Variants in DLGAP1 observed in about 807,000 individuals in gnomAD.
The protein encoded by DLGAP1 is disks large-associated protein 1.
Under a neutral mutation model 90.8 loss-of-function variants are expected in DLGAP1, and 11 were observed. That is an observed-to-expected ratio of 0.12 (90% CI 0.08 to 0.20). The LOEUF is 0.20. Among genes scored for constraint, DLGAP1 ranks in the 10% least tolerant of loss-of-function variants. DLGAP1 has a pLI of 1.00. For missense variants in DLGAP1, 1,050 were observed against 1,333.8 expected (o/e 0.79, Z 3.31); for synonymous variants, 558 against 540.7 (o/e 1.03, Z -0.44).
intron 5 of DLGAP1, among the ~76,000 whole-genome samples, chr18:3,805,655 G>T (rs972388879): frequency 1.3e-4 from 20 of 152,218 alleles, no homozygotes; most frequent in African/African-American, 4.8e-4. Context: ...TGCTGAGCTT[G>T]AAAATACAGG....
chr18:3,965,546 T>C (rs2073307383), intron 3 of DLGAP1, among the ~76,000 whole-genome samples: 1 of 152,186 alleles, frequency 6.6e-6, no homozygotes, highest in Non-Finnish European at 1.5e-5. Context: ...ACATAATACC[T>C]AAAGAGGCAT....
intron 1 of DLGAP1, among the ~76,000 whole-genome samples, chr18:4,189,939 T>C (rs930197778): frequency 6.6e-6 from 1 of 152,066 alleles, no homozygotes; most frequent in African/African-American, 2.4e-5. Context: ...CCATACATTG[T>C]TGATGGGAAT....
chr18:3,816,526 T>C (rs767081329), intron 4 of DLGAP1, among the ~76,000 whole-genome samples: 2 of 152,222 alleles, frequency 1.3e-5, no homozygotes, highest in African/African-American at 2.4e-5. Flanking sequence ...GTTTGTAGGT[T>C]CTAATTCTGA....
chr18:3,700,024 G>C (rs80130472), intron 7 of DLGAP1, among the ~76,000 whole-genome samples: 40 of 152,222 alleles, frequency 2.6e-4, no homozygotes, highest in Non-Finnish European at 1.0e-4. Context: ...TTCTGGCAAT[G>C]AGAATTTCAA....
rs1368714178 is a variant in DLGAP1, at chr18:3,600,740, A to C, written c.1592-18492T>G. Among the ~76,000 whole-genome samples the C allele has an allele frequency of 3.2e-3, 147 of 45,990 alleles. 2 individuals are homozygous for C. The highest frequency in any genetic ancestry group is 0.014 in the Middle Eastern group (1 of 70). 30.2% of individuals were successfully genotyped at this position (45,990 alleles called of 152,430 possible). On this transcript the variant is annotated intron_variant, in intron 7 of 12. Transcript: ENST00000315677. ...GATATAGAGATATAGATATATATAG[A>C]TATATAGATATATATAGATATATAG...
At chr18:4,099,309 ATC>A in intron 2 of DLGAP1, among the ~76,000 whole-genome samples, 1 of 105,520 alleles carries the variant, frequency 9.5e-6, no homozygotes, top group Non-Finnish European at 2.0e-5. Flanking sequence ...CTATCTATCT[ATC>A]TATCTATCTA....
intron 4 of DLGAP1, among the ~76,000 whole-genome samples, chr18:3,857,374 T>C (rs2069715430): frequency 6.6e-6 from 1 of 152,234 alleles, no homozygotes; most frequent in Admixed American, 6.5e-5. Flanking sequence ...CTAGCCATGG[T>C]GTATTTACAT....
intron 2 of DLGAP1, among the ~76,000 whole-genome samples, chr18:4,101,114 C>G (rs2075772308): frequency 6.6e-6 from 1 of 152,186 alleles, no homozygotes; most frequent in Admixed American, 6.5e-5. Context: ...TGCAAGAGGC[C>G]TAGCTTTTGG....
intron 3 of DLGAP1, among the ~76,000 whole-genome samples, chr18:3,888,178 A>G (rs1229977835): frequency 6.6e-6 from 1 of 151,220 alleles, no homozygotes; most frequent in East Asian, 1.9e-4. Flanking sequence ...GTGAGTTAAC[A>G]TTGTCCAAAT....
chr18:3,970,545 C>T lies in DLGAP1; in HGVS notation c.-73+34571G>A, dbSNP rs79068890. On this transcript the variant is annotated intron_variant, in intron 3 of 12. Transcript: ENST00000315677. ...AAATATATAATAGAAATGTGTGGGACATGAGAGAGAAATGTTGGCCTCATC... is the reference window on the plus strand; with the variant it reads ...AAATATATAATAGAAATGTGTGGGATATGAGAGAGAAATGTTGGCCTCATC... 8.5e-3 allele frequency among the ~76,000 whole-genome samples: 1,298 copies of T among 152,198 alleles called. 17 individuals carry two copies. Among genetic ancestry groups the T allele is most frequent in the African/African-American group, 0.03 (1,238 of 41,538 alleles).
At chr18:3,502,956 T>C (rs1368898928) in intron 11 of DLGAP1, among the ~76,000 whole-genome samples, 1 of 151,994 alleles carries the variant, frequency 6.6e-6, no homozygotes, top group Non-Finnish European at 1.5e-5. Context: ...GGACGTATTT[T>C]AAAACACCAT....
intron 1 of DLGAP1, among the ~76,000 whole-genome samples, chr18:4,213,978 A>G (rs1303047306): frequency 6.6e-6 from 1 of 152,138 alleles, no homozygotes; most frequent in Non-Finnish European, 1.5e-5. Flanking sequence ...GTCTCCTGAG[A>G]CTGTGGCCCG....
chr18:3,688,469 T>G (rs1284047571), intron 7 of DLGAP1, among the ~76,000 whole-genome samples: 2 of 151,790 alleles, frequency 1.3e-5, no homozygotes, highest in Non-Finnish European at 2.9e-5. Flanking sequence ...TGCTGAAAAA[T>G]TATTAAAAAA....
intron 5 of DLGAP1, among the ~76,000 whole-genome samples, chr18:3,807,659 G>A (rs2066629679): frequency 1.7e-5 from 1 of 59,796 alleles, no homozygotes; most frequent in Admixed American, 1.3e-4. Context: ...GTAAACGTGT[G>A]CTCTGGTGGT....
intron 6 of DLGAP1, among the ~76,000 whole-genome samples, chr18:3,741,219 A>ACCACCACCAC (rs2062993110): frequency 1.2e-5 from 1 of 85,658 alleles, no homozygotes; most frequent in Non-Finnish European, 2.3e-5. Flanking sequence ...CACCACCACC[A>ACCACCACCAC]CATCACCATC....
chr18:3,541,197 C>T (rs760813720), intron 9 of DLGAP1, among the ~76,000 whole-genome samples: 2 of 151,572 alleles, frequency 1.3e-5, no homozygotes, highest in Admixed American at 1.3e-4. Context: ...TCTTTCTGCA[C>T]ACTAAGTTAT....
chr18:4,311,586 T>A (rs1396618247), intron 1 of DLGAP1, among the ~76,000 whole-genome samples: 2 of 152,198 alleles, frequency 1.3e-5, no homozygotes, highest in East Asian at 1.9e-4. Flanking sequence ...TTGATTCCAA[T>A]GCTAGAAATT....
Position 3,729,344 on chromosome 18 carries a change from TCGAACTGCC to T in DLGAP1, c.1373_1381del (p.Gly458_Phe460del). On this transcript the variant is annotated inframe_deletion, in exon 7 of 13. Coordinates refer to ENST00000315677, the MANE Select transcript of DLGAP1 (RefSeq NM_004746.4). The surrounding 1 kb of genome is among the most constrained non-coding windows in gnomAD (Gnocchi z 6.2). ...GCTGAACACGGACTCGCACACGGAC[TCGAACTGCC>T]CGTTCACTTCCATCTCGCTCACCTG... The T allele has an allele frequency of 6.2e-7, 1 of 1,613,822 alleles. No homozygotes were observed. Among genetic ancestry groups the T allele is most frequent in the Non-Finnish European group, 8.5e-7 (1 of 1,179,770 alleles).
chr18:3,865,535 G>A (rs1240307610), intron 4 of DLGAP1, among the ~76,000 whole-genome samples: 1 of 152,096 alleles, frequency 6.6e-6, no homozygotes, highest in Non-Finnish European at 1.5e-5. Context: ...AGTAGAACCT[G>A]TTTTTTAAAC....
Sources: gnomAD v4.1 joint callset for allele counts (sites outside exome capture counted in the v4.1 genomes callset) on GRCh38, gnomAD v4.1.1 for gene constraint, Gnocchi (gnomAD v3.1) non-coding constraint, MANE v1.5 for transcripts, NCBI Gene and HGNC (gene_info 2026-07-23, HGNC 2026-07-21) for gene names.